The following DHX40 variants were observed in gnomAD, a reference collection of about 807,000 sequenced individuals.
The protein encoded by DHX40 is probable ATP-dependent RNA helicase DHX40.
Under a neutral mutation model 89.6 loss-of-function variants are expected in DHX40, and 28 were observed. The observed-to-expected ratio is 0.31, with a 90% CI of 0.23 to 0.43. The LOEUF (loss-of-function observed/expected upper bound fraction) is 0.43. Ranked by LOEUF, DHX40 falls within the 20% of genes least tolerant of loss-of-function variation. DHX40 has a pLI of 1.00. For synonymous variants in DHX40, 226 were observed against 283.6 expected (o/e 0.80, Z 2.04); for missense variants, 457 against 844.0 (o/e 0.54, Z 5.68).
intron 12 of DHX40, among the ~76,000 whole-genome samples, chr17:59,592,167 G>A (rs1236312162): frequency 2.6e-5 from 4 of 151,508 alleles, no homozygotes; most frequent in Non-Finnish European, 4.4e-5. Context: ...CACTATGCCC[G>A]GCCTAAAGTT....
intron 15 of DHX40, chr17:59,603,221 T>C (rs780813141): frequency 2.0e-5 from 3 of 152,206 alleles, no homozygotes; most frequent in Admixed American, 6.5e-5. Flanking sequence ...GATGAAGTTA[T>C]GGGTTTCATT....
At chr17:59,605,062 T>G (rs2030759421) in intron 15 of DHX40, 53 bp from the exon 16 acceptor site, 1 of 1,449,706 alleles carries the variant, frequency 6.9e-7, no homozygotes, top group African/African-American at 1.4e-5. Flanking sequence ...ATGCTCCATT[T>G]ACTTCATTGC....
chr17:59,570,681 G>GT lies in DHX40; in HGVS notation c.426+19dup. The GT allele has an allele frequency of 1.9e-6, 3 of 1,595,854 alleles. No individual in the cohort carries two copies. Among genetic ancestry groups the GT allele is most frequent in the Non-Finnish European group, 2.6e-6 (3 of 1,170,948 alleles). On this transcript the variant is annotated intron_variant, in intron 3 of 17. Coordinates refer to ENST00000251241, the MANE Select transcript of DHX40 (RefSeq NM_024612.5). ...GTTCTAAGGTACAAAAGTCTTGTTG[G>GT]TATTTGTTTCTTTTCTTTTATGGGA...
intron 2 of DHX40, among the ~76,000 whole-genome samples, chr17:59,567,153 T>G (rs575498356): frequency 6.6e-6 from 1 of 152,354 alleles, no homozygotes; most frequent in Non-Finnish European, 1.5e-5. Context: ...TAGTACTTCT[T>G]GGTTCTTTCT....
intron 12 of DHX40, among the ~76,000 whole-genome samples, chr17:59,592,270 G>A (rs2049094929): frequency 6.6e-6 from 1 of 152,030 alleles, no homozygotes. Context: ...AGTAGTTTGA[G>A]AATTGGTAAG....
intron 12 of DHX40, among the ~76,000 whole-genome samples, chr17:59,597,624 G>C: frequency 6.6e-6 from 1 of 151,880 alleles, no homozygotes; most frequent in East Asian, 2.0e-4. Context: ...ATGCGATCAC[G>C]GCTCACTGTA....
At chr17:59,587,702 C>T (rs1228400080) in intron 11 of DHX40, among the ~76,000 whole-genome samples, 194 bp from the exon 12 acceptor site, 2 of 151,914 alleles carry the variant, frequency 1.3e-5, no homozygotes, top group Non-Finnish European at 2.9e-5. Flanking sequence ...AGGTGATCCA[C>T]CTGCCTCAGC....
intron 1 of DHX40, 21 bp from the exon 2 acceptor site, chr17:59,566,606 C>T (rs760050573): frequency 6.4e-7 from 1 of 1,560,442 alleles, no homozygotes; most frequent in South Asian, 1.2e-5. Context: ...TTTTAATTGA[C>T]TTGTTTTTCT....
Position 59,565,622 on chromosome 17 carries a change from C to T in DHX40, c.-50C>T, listed in dbSNP as rs754042416. 2.0e-6 allele frequency: 3 copies of T among 1,526,756 alleles called. No homozygotes were observed. Among genetic ancestry groups the T allele is most frequent in the Admixed American group, 3.7e-5 (2 of 54,296 alleles). 94.6% of individuals were successfully genotyped at this position (1,526,756 alleles called of 1,614,324 possible). On this transcript the variant is annotated 5_prime_UTR_variant, in exon 1 of 18. Coordinates refer to ENST00000251241, the MANE Select transcript of DHX40 (RefSeq NM_024612.5). ...AGGGCGCGTCCTCGTCTTTCCCCTC[C>T]CATCTCCTCAGATCGGTGGACGTGC...
Position 59,607,123 on chromosome 17 carries a change from A to G in DHX40, c.2291A>G (p.Lys764Arg), listed in dbSNP as rs368343588. ...GCACGGGCTCGTTTCCTTGAGAGAA[A>G]GCAGCAGAGGACCCAGGACCACAGT... ...SDARARFLER[K>R]QQRTQDHSDT... Residue 764 changes from lysine to arginine, a missense_variant, in exon 18 of 18, where the codon AAG becomes AGG. Physicochemically the swap from Lys to Arg is conservative, Grantham distance 26. Transcript: ENST00000251241. The G allele has an allele frequency of 2.7e-5, 44 of 1,614,128 alleles. No homozygotes were observed. Among genetic ancestry groups the G allele is most frequent in the Non-Finnish European group, 3.6e-5 (42 of 1,180,058 alleles).
chr17:59,594,218 C>G (rs1338180240), intron 12 of DHX40, among the ~76,000 whole-genome samples: 3 of 151,576 alleles, frequency 2.0e-5, no homozygotes, highest in Non-Finnish European at 4.4e-5. Flanking sequence ...GCTGGTCTGT[C>G]TCTATTGGTG....
chr17:59,568,030 C>T (rs1337916610), intron 2 of DHX40, among the ~76,000 whole-genome samples: 1 of 151,854 alleles, frequency 6.6e-6, no homozygotes, highest in Non-Finnish European at 1.5e-5. Flanking sequence ...GTCAGCAGTT[C>T]GAGACCAGCC....
intron 3 of DHX40, 44 bp downstream of exon 3, chr17:59,570,707 C>T: frequency 6.3e-7 from 1 of 1,575,736 alleles, no homozygotes; most frequent in Non-Finnish European, 8.6e-7. Context: ...TTTTATGGGA[C>T]AGGGTCTTGC....
chr17:59,567,786 G>A (rs1161017110), intron 2 of DHX40, among the ~76,000 whole-genome samples: 10 of 151,630 alleles, frequency 6.6e-5, no homozygotes, highest in Non-Finnish European at 1.5e-4. Flanking sequence ...AAAAAAATTC[G>A]CCGGGCGTGG....
At chr17:59,568,850 AT>A (rs2048745570) in intron 2 of DHX40, among the ~76,000 whole-genome samples, 1 of 149,718 alleles carries the variant, frequency 6.7e-6, no homozygotes, top group African/African-American at 2.4e-5. Context: ...ATATATATAT[AT>A]ATAAATATAG....
chr17:59,576,602 G>A (rs2523377), intron 7 of DHX40, among the ~76,000 whole-genome samples: 13 of 152,064 alleles, frequency 8.5e-5, no homozygotes, highest in East Asian at 3.9e-4. Context: ...ACTCTCTATT[G>A]AAGCATAGAT....
At chr17:59,603,092 A>G (rs1038567401) in intron 15 of DHX40, among the ~76,000 whole-genome samples, 3 of 152,192 alleles carry the variant, frequency 2.0e-5, no homozygotes, top group African/African-American at 7.2e-5. Flanking sequence ...GATTCATTAA[A>G]TACAGAGGAA....
intron 12 of DHX40, among the ~76,000 whole-genome samples, chr17:59,597,871 C>T: frequency 7.0e-6 from 1 of 143,722 alleles, no homozygotes; most frequent in Non-Finnish European, 1.5e-5. Context: ...GGAGGCGGAG[C>T]TTGCAGTGAG....
At chr17:59,591,175 G>T (rs1400374991) in intron 12 of DHX40, among the ~76,000 whole-genome samples, 2 of 151,570 alleles carry the variant, frequency 1.3e-5, no homozygotes, top group South Asian at 2.1e-4. Context: ...CAGGCGTGGC[G>T]TGCACCTGTG....
Sources: gnomAD v4.1 joint callset for allele counts (sites outside exome capture counted in the v4.1 genomes callset) on GRCh38, gnomAD v4.1.1 for gene constraint, MANE v1.5 for transcripts, NCBI Gene and HGNC (gene_info 2026-07-23, HGNC 2026-07-21) for gene names.